The following ANKAR variants were observed in gnomAD, a reference collection of about 807,000 sequenced individuals.
ANKAR encodes the protein ankyrin and armadillo repeat-containing protein.
Under a neutral mutation model 146.2 loss-of-function variants are expected in ANKAR, and 136 were observed. The ratio of observed to expected loss-of-function variants is 0.93; its 90% CI spans 0.81 to 1.07. ANKAR has a LOEUF of 1.07. Ranked by LOEUF, ANKAR falls within the 50% of genes least tolerant of loss-of-function variation. The pLI, the probability that ANKAR is intolerant of heterozygous loss-of-function variation, is 0.00. For missense variants in ANKAR, 1,567 were observed against 1,679.9 expected, an observed-to-expected ratio of 0.93 and a Z score of 1.18; for synonymous variants, 500 against 575.8, an observed-to-expected ratio of 0.87 and a Z score of 1.88.
At chr2:189,717,431 G>A (rs2040616022) in intron 10 of ANKAR, among the ~76,000 whole-genome samples, 1 of 152,140 alleles carries the variant, frequency 6.6e-6, no homozygotes, top group Non-Finnish European at 1.5e-5. Context: ...AAAAAGTCAG[G>A]AAACAACAGA....
At chr2:189,741,542 CTG>C (rs1235647706) in intron 20 of ANKAR, 91 bp downstream of exon 20, 10 of 803,200 alleles carry the variant, frequency 1.2e-5, no homozygotes, top group Non-Finnish European at 1.8e-5. Context: ...CACTGATTGA[CTG>C]TGTTATAGAT....
intron 2 of ANKAR, among the ~76,000 whole-genome samples, chr2:189,684,889 C>T (rs2035313433): frequency 6.6e-6 from 1 of 151,704 alleles, no homozygotes; most frequent in Non-Finnish European, 1.5e-5. Context: ...CCCCTCATTC[C>T]CCTCATCCTC....
At chr2:189,712,619 C>G (rs892325108) in intron 10 of ANKAR, among the ~76,000 whole-genome samples, 6 of 152,180 alleles carry the variant, frequency 3.9e-5, no homozygotes, top group Non-Finnish European at 8.8e-5. Flanking sequence ...ATTTGTAGGT[C>G]ACCAACATCA....
intron 15 of ANKAR, among the ~76,000 whole-genome samples, chr2:189,729,149 T>C (rs1165966314): frequency 2.0e-5 from 3 of 152,208 alleles, no homozygotes; most frequent in Admixed American, 6.6e-5. Context: ...AAGAACGATA[T>C]GTTTTTGAAG....
intron 1 of ANKAR, among the ~76,000 whole-genome samples, chr2:189,675,468 C>A (rs2033429311): frequency 1.3e-5 from 2 of 152,130 alleles, no homozygotes; most frequent in South Asian, 4.1e-4. Flanking sequence ...CTGTCTCAAG[C>A]CCCGCGAGTA....
intron 7 of ANKAR, among the ~76,000 whole-genome samples, chr2:189,698,681 C>T (rs528523127): frequency 1.1e-4 from 17 of 152,162 alleles, no homozygotes; most frequent in Non-Finnish European, 1.9e-4. Context: ...TGGCCATCTT[C>T]CGTTAGAGGA....
chr2:189,704,591 ATATAT>A lies in ANKAR; in HGVS notation c.1709-431_1709-427del, dbSNP rs1348767121. Among the ~76,000 whole-genome samples, 135 of 109,916 alleles carry A rather than the reference ATATAT, an allele frequency of 1.2e-3. 8 individuals are homozygous for A. Among genetic ancestry groups the A allele is most frequent in the Non-Finnish European group, 1.2e-3 (65 of 52,194 alleles). 72.1% of individuals were successfully genotyped at this position (109,916 alleles called of 152,430 possible). A position where few individuals can be genotyped will look rare whatever the true frequency, so the allele number is the denominator to read the frequency against. On this transcript the variant is annotated intron_variant, in intron 7 of 22. Transcript: ENST00000684021. ...TATATATATATATATATATATATAT[ATATAT>A]AATTTTAATTTCAAAGGATCTTATC...
chr2:189,755,206 A>C, intron 18 of ANKAR: 3 of 1,611,796 alleles, frequency 1.9e-6, no homozygotes, highest in Non-Finnish European at 2.5e-6. Context: ...CTATGTCCAA[A>C]GACTTTCCAA....
At chr2:189,739,875 A>T (rs2043172668) in intron 19 of ANKAR, among the ~76,000 whole-genome samples, 1 of 152,064 alleles carries the variant, frequency 6.6e-6, no homozygotes, top group African/African-American at 2.4e-5. Flanking sequence ...ACAAACTCTT[A>T]TAGGAAAGAA....
At position 189,699,961 on chromosome 2, in the gene ANKAR, G is replaced by A. The variant is rs563887641; in HGVS notation, c.1708+3592G>A. Among the ~76,000 whole-genome samples the A allele has an allele frequency of 1.9e-4, 29 of 152,108 alleles. 1 individual carries two copies. The East Asian group carries it at 5.0e-3, about 26-fold the overall frequency. On this transcript the variant is annotated intron_variant, in intron 7 of 22. Coordinates refer to ENST00000684021, the MANE Select transcript of ANKAR (RefSeq NM_001378068.1). ...GATTACAGGCGTGAGCCACTGCACC[G>A]GGCCTGATAATGTTATTTTGAACAA...
intron 12 of ANKAR, among the ~76,000 whole-genome samples, chr2:189,725,153 G>T (rs1355188236): frequency 2.6e-5 from 4 of 152,204 alleles, no homozygotes; most frequent in African/African-American, 9.6e-5. Flanking sequence ...AAAGAAATGT[G>T]CAGAATGTAG....
At chr2:189,744,024 T>C (rs2043715514) in intron 21 of ANKAR, among the ~76,000 whole-genome samples, 1 of 152,222 alleles carries the variant, frequency 6.6e-6, no homozygotes, top group Non-Finnish European at 1.5e-5. Flanking sequence ...ATCTCTACTA[T>C]GGGTATATTT....
intron 16 of ANKAR, among the ~76,000 whole-genome samples, chr2:189,731,379 T>TTC: frequency 6.7e-6 from 1 of 148,386 alleles, no homozygotes; most frequent in East Asian, 2.0e-4. Context: ...CTTTTTTCTT[T>TTC]TTTTTTTTTT....
chr2:189,704,593 ATAT>A (rs1254530373), intron 7 of ANKAR, among the ~76,000 whole-genome samples: 10 of 106,864 alleles, frequency 9.4e-5, no homozygotes, highest in South Asian at 2.9e-4. Flanking sequence ...ATATATATAT[ATAT>A]AATTTTAATT....
At chr2:189,675,268 C>A (rs1171099628) in intron 1 of ANKAR, among the ~76,000 whole-genome samples, 1 of 152,118 alleles carries the variant, frequency 6.6e-6, no homozygotes, top group African/African-American at 2.4e-5. Context: ...TAGTAAAGAA[C>A]CTGGCTCAAT....
Position 189,693,502 on chromosome 2 carries a change from T to C in ANKAR, c.1307+325T>C, listed in dbSNP as rs1406643679. Among the ~76,000 whole-genome samples the C allele has an allele frequency of 3.3e-5, 5 of 152,314 alleles. No individual in the cohort carries two copies. In the East Asian group the frequency reaches 7.7e-4, roughly 24 times the overall value. On this transcript the variant is annotated intron_variant, in intron 5 of 22. Coordinates refer to ENST00000684021, the MANE Select transcript of ANKAR (RefSeq NM_001378068.1). The stretch of plus-strand genomic sequence containing the variant: ...GTTGTGGTTCTTGGATTTTTAAATA[T>C]TGGACACTGAAATTTGGAAATATGG...
At chr2:189,754,791 G>C (rs541356991) in intron 18 of ANKAR, 1 of 248,648 alleles carries the variant, frequency 4.0e-6, no homozygotes, top group African/African-American at 2.3e-5. Context: ...GTAAGTAATT[G>C]TGTGATTTAA....
At chr2:189,762,633 T>C, downstream of ANKAR, 1 of 985,448 alleles carries the variant, frequency 1.0e-6, no homozygotes, top group Non-Finnish European at 1.2e-6. Context: ...GGAACCGCTT[T>C]TCCAGGTGCG....
intron 7 of ANKAR, among the ~76,000 whole-genome samples, chr2:189,700,793 TC>T (rs1472484154): frequency 6.6e-6 from 1 of 152,224 alleles, no homozygotes; most frequent in Non-Finnish European, 1.5e-5. Context: ...AGTTTGTCTT[TC>T]TTTGCCTGAC....
Sources: gnomAD v4.1 joint callset for allele counts (sites outside exome capture counted in the v4.1 genomes callset) on GRCh38, gnomAD v4.1.1 for gene constraint, MANE v1.5 for transcripts, NCBI Gene and HGNC (gene_info 2026-07-23, HGNC 2026-07-21) for gene names.